Variants in GALNT13 observed in about 807,000 individuals in gnomAD.
GALNT13 encodes UDP-GalNAc:polypeptide N-acetylgalactosaminyltransferase 13.
In GALNT13, 28 loss-of-function variants were observed where a neutral mutation model predicts 64.2. The ratio of observed to expected loss-of-function variants is 0.44; its 90% CI spans 0.32 to 0.60. The LOEUF is 0.60. Among genes scored for constraint, GALNT13 ranks in the 20% least tolerant of loss-of-function variants. The pLI is 0.05. For synonymous variants in GALNT13, 214 were observed against 224.6 expected (o/e 0.95, Z 0.42); for missense variants, 577 against 669.8 (o/e 0.86, Z 1.53).
intron 7 of GALNT13, among the ~76,000 whole-genome samples, chr2:154,254,913 T>C (rs1690288478): frequency 1.3e-5 from 2 of 152,120 alleles, no homozygotes; most frequent in African/African-American, 2.4e-5. Flanking sequence ...AAAGTGCCCC[T>C]GAGAGACCCT....
intron 12 of GALNT13, among the ~76,000 whole-genome samples, chr2:154,448,643 A>G (rs1421061299): frequency 1.3e-5 from 2 of 152,078 alleles, no homozygotes; most frequent in Non-Finnish European, 2.9e-5. Flanking sequence ...GAACAATAAT[A>G]ACTAGTGTTT....
At chr2:154,183,469 T>A (rs575291039) in intron 4 of GALNT13, among the ~76,000 whole-genome samples, 101 of 152,160 alleles carry the variant, frequency 6.6e-4, no homozygotes, top group Non-Finnish European at 1.2e-3. Context: ...CCCAGCACTT[T>A]GGGAGGCTGA....
At chr2:154,429,814 A>G (rs1700633187) in intron 11 of GALNT13, among the ~76,000 whole-genome samples, 1 of 152,194 alleles carries the variant, frequency 6.6e-6, no homozygotes. Flanking sequence ...ACTTTAAGTC[A>G]AAAGCAATGT....
At chr2:153,116,006 G>A in the GALNT13 span, among the ~76,000 whole-genome samples, 1 of 152,032 alleles carries the variant, frequency 6.6e-6, no homozygotes, top group Non-Finnish European at 1.5e-5. Flanking sequence ...TAACATTTCA[G>A]CTGTGTTGTC....
chr2:153,194,911 A>G, the GALNT13 span, among the ~76,000 whole-genome samples: 2 of 152,076 alleles, frequency 1.3e-5, no homozygotes, highest in African/African-American at 4.8e-5. Context: ...GGCTATGGTG[A>G]GCTTTTGCTG....
chr2:153,083,395 A>G, the GALNT13 span, among the ~76,000 whole-genome samples: 1 of 152,174 alleles, frequency 6.6e-6, no homozygotes, highest in Non-Finnish European at 1.5e-5. Context: ...CATCTACCCC[A>G]ACATCTATTA....
chr2:154,020,095 G>A (rs60176541), intron 3 of GALNT13, among the ~76,000 whole-genome samples: 116,566 of 152,092 alleles, frequency 0.77, 45,064 homozygotes, highest in East Asian at 0.96. Context: ...TTACTAGTCT[G>A]TCGTTGTTGC....
the GALNT13 span, among the ~76,000 whole-genome samples, chr2:153,686,160 AT>A: frequency 1.3e-5 from 2 of 151,220 alleles, no homozygotes; most frequent in Admixed American, 6.6e-5. Flanking sequence ...TTTTAAAATG[AT>A]TTTTTTTCTA....
chr2:153,232,402 A>G, the GALNT13 span, among the ~76,000 whole-genome samples: 1 of 152,212 alleles, frequency 6.6e-6, no homozygotes, highest in Non-Finnish European at 1.5e-5. Context: ...TTTCATTTCT[A>G]TTATTTCTTT....
At chr2:153,526,626 C>G in the GALNT13 span, among the ~76,000 whole-genome samples, 4 of 152,160 alleles carry the variant, frequency 2.6e-5, no homozygotes, top group Admixed American at 6.5e-5. Context: ...ACACCTAACC[C>G]TTCATTGCCC....
At chr2:153,839,167 T>C in the GALNT13 span, among the ~76,000 whole-genome samples, 1 of 151,930 alleles carries the variant, frequency 6.6e-6, no homozygotes. Context: ...TTTGTGCATG[T>C]AATGTTTAGA....
At chr2:153,364,825 G>A in the GALNT13 span, among the ~76,000 whole-genome samples, 11 of 152,112 alleles carry the variant, frequency 7.2e-5, no homozygotes, top group African/African-American at 2.2e-4. Flanking sequence ...GTAATTTATG[G>A]ATTCAATGCT....
At chr2:153,536,971 A>G in the GALNT13 span, among the ~76,000 whole-genome samples, 7 of 152,350 alleles carry the variant, frequency 4.6e-5, no homozygotes, top group Admixed American at 1.3e-4. Flanking sequence ...ACATTTAGTT[A>G]AAAGCTAACT....
At chr2:154,210,688 A>T (rs1344422074) in intron 4 of GALNT13, among the ~76,000 whole-genome samples, 1 of 152,330 alleles carries the variant, frequency 6.6e-6, no homozygotes, top group African/African-American at 2.4e-5. Flanking sequence ...TCATAATTTA[A>T]TTTTTAAAAT....
chr2:153,521,927 T>A, the GALNT13 span, among the ~76,000 whole-genome samples: 3 of 152,192 alleles, frequency 2.0e-5, no homozygotes, highest in Non-Finnish European at 2.9e-5. Flanking sequence ...TGTACCACAG[T>A]TTGACCATTT....
At chr2:153,190,621 A>G in the GALNT13 span, among the ~76,000 whole-genome samples, 1 of 151,866 alleles carries the variant, frequency 6.6e-6, no homozygotes, top group Non-Finnish European at 1.5e-5. Context: ...GAAAAATGTG[A>G]TTGCTATTTT....
the GALNT13 span, among the ~76,000 whole-genome samples, chr2:153,230,768 T>G: frequency 6.6e-6 from 1 of 152,202 alleles, no homozygotes; most frequent in Admixed American, 6.5e-5. Flanking sequence ...CCCCTTCTAT[T>G]CCACCTTTTG....
chr2:153,218,392 A>G, the GALNT13 span, among the ~76,000 whole-genome samples: 3 of 152,038 alleles, frequency 2.0e-5, no homozygotes, highest in East Asian at 1.9e-4. Flanking sequence ...CCCAGCATGT[A>G]TTTCTGCCCT....
the GALNT13 span, among the ~76,000 whole-genome samples, chr2:153,572,340 C>T: frequency 6.7e-6 from 1 of 148,780 alleles, no homozygotes; most frequent in Admixed American, 6.7e-5. Context: ...TGTATTTTTT[C>T]TCTCTTTTTT....
Sources: gnomAD v4.1 joint callset for allele counts (sites outside exome capture counted in the v4.1 genomes callset) on GRCh38, gnomAD v4.1.1 for gene constraint, MANE v1.5 for transcripts, NCBI Gene and HGNC (gene_info 2026-07-23, HGNC 2026-07-21) for gene names.